Variants in RP1L1 observed in about 807,000 individuals in gnomAD.
RP1L1 encodes RP1 like 1, also known as retinitis pigmentosa 1-like 1 protein.
Under a neutral mutation model 15.7 loss-of-function variants are expected in RP1L1, and 27 were observed. The ratio of observed to expected loss-of-function variants is 1.72; its 90% CI spans 1.27 to 2.38. The LOEUF (loss-of-function observed/expected upper bound fraction) is 2.38, where lower values mean the gene tolerates loss of function less well. Ranked by LOEUF, RP1L1 falls within the 30% of genes most tolerant of loss-of-function variation. RP1L1 has a pLI of 0.00. For missense variants in RP1L1, 4,798 were observed against 3,075.9 expected (o/e 1.56, Z -13.24); for synonymous variants, 1,813 against 1,276.7 (o/e 1.42, Z -8.96).
At chr8:10,625,774 G>C (rs1265205882) in intron 1 of RP1L1, among the ~76,000 whole-genome samples, 1 of 152,140 alleles carries the variant, frequency 6.6e-6, no homozygotes, top group Non-Finnish European at 1.5e-5. Flanking sequence ...GGGGAGCTGT[G>C]GTGGGTGGTC....
rs538485929 is a variant in RP1L1 at position 10,608,115 on chromosome 8, G to A, written c.5983C>T (p.Pro1995Ser). The change falls in exon 4 of 4, where the codon CCA (proline) becomes TCA (serine). Residue 1995 changes from proline to serine, a missense_variant. Transcript: ENST00000382483. ...GGGGCCTCTACATCTTCTGACTCTG[G>A]CTGGGCCTCCCCTTCTGCCTCCTGG... Reference protein sequence around the residue: ...ETQEAEGEAQPESEDVEAPEA... With the variant: ...ETQEAEGEAQSESEDVEAPEA... The A allele has an allele frequency of 1.9e-6, 3 of 1,610,814 alleles. No individual in the cohort carries two copies. The highest frequency in any genetic ancestry group is 2.5e-6 in the Non-Finnish European group (3 of 1,179,284).
chr8:10,624,950 G>A (rs1401457780), intron 1 of RP1L1, among the ~76,000 whole-genome samples: 1 of 152,182 alleles, frequency 6.6e-6, no homozygotes, highest in Non-Finnish European at 1.5e-5. Flanking sequence ...CTGGGTTTCT[G>A]AATTAGGAAG....
At chr8:10,633,441 C>G (rs1427324435) in intron 1 of RP1L1, among the ~76,000 whole-genome samples, 1 of 152,170 alleles carries the variant, frequency 6.6e-6, no homozygotes, top group Non-Finnish European at 1.5e-5. Flanking sequence ...GCCCAAACCC[C>G]AAATTGCATC....
At chr8:10,651,151 C>T (rs185674990) in intron 1 of RP1L1, among the ~76,000 whole-genome samples, 1 of 152,326 alleles carries the variant, frequency 6.6e-6, no homozygotes, top group African/African-American at 2.4e-5. Flanking sequence ...AACTCCAAGG[C>T]TGTTCTTCCC....
intron 1 of RP1L1, among the ~76,000 whole-genome samples, chr8:10,644,745 A>G (rs923036985): frequency 6.6e-6 from 1 of 152,330 alleles, no homozygotes; most frequent in African/African-American, 2.4e-5. Context: ...CAGCCACCCC[A>G]GGAACGCAGC....
chr8:10,613,578 A>G (rs1207224223), intron 3 of RP1L1, among the ~76,000 whole-genome samples: 3 of 146,656 alleles, frequency 2.0e-5, no homozygotes, highest in African/African-American at 7.6e-5. Flanking sequence ...AGCCTGGACA[A>G]CTTAGTGAGA....
chr8:10,609,562 C>T lies in RP1L1; in HGVS notation c.4536G>A (p.Leu1512=). Residue 1512 remains leucine, a synonymous_variant, in exon 4 of 4, where the codon CTG becomes CTA. Coordinates refer to ENST00000382483, the MANE Select transcript of RP1L1 (RefSeq NM_178857.6). ...RSSSVACSAA[L]DCDPIWVSVL... Reference sequence around the variant, plus strand: ...CGGACACCCAGATGGGGTCGCAGTCCAGAGCCGCGCTGCAGGCCACCGAAG... The same window carrying T: ...CGGACACCCAGATGGGGTCGCAGTCTAGAGCCGCGCTGCAGGCCACCGAAG... The T allele has an allele frequency of 6.2e-7, 1 of 1,603,756 alleles. No homozygotes were observed. The highest frequency in any genetic ancestry group is 8.5e-7 in the Non-Finnish European group (1 of 1,177,164).
At position 10,611,125 on chromosome 8, in the gene RP1L1, C is replaced by T. The variant is rs762986684; in HGVS notation, c.2973G>A (p.Glu991=). The T allele has an allele frequency of 8.1e-6, 13 of 1,612,934 alleles. No homozygotes were observed. In the South Asian group the frequency reaches 1.3e-4, roughly 16 times the overall value. ...GAGAATGGTCATCCCCAGGGTCCAC[C>T]TCGGGGCCTCTCAGGCCACCCCCAG... is the stretch of plus-strand genomic sequence containing the variant. ...GAAGGGLRGP[E]VDPGDDHSLE... is the part of the protein sequence containing the mutation. Residue 991 remains glutamate, a synonymous_variant, in exon 4 of 4, where the codon GAG becomes GAA. Transcript: ENST00000382483.
chr8:10,616,962 C>T (rs1797977746), intron 2 of RP1L1, among the ~76,000 whole-genome samples: 1 of 152,180 alleles, frequency 6.6e-6, no homozygotes, highest in African/African-American at 2.4e-5. Context: ...CTCCAGCTCC[C>T]ACAGCGGGGC....
In RP1L1 at chr8:10,610,752, C is replaced by T. The variant is rs370506271; in HGVS notation, c.3346G>A (p.Gly1116Arg). 4.3e-5 allele frequency: 70 copies of T among 1,613,296 alleles called. No individual in the cohort carries two copies. The highest frequency in any genetic ancestry group is 1.2e-4 in the Admixed American group (7 of 60,010). The change falls in exon 4 of 4, where the codon GGG (glycine) becomes AGG (arginine). Residue 1116 changes from glycine (G) to arginine (R), a missense_variant. Coordinates refer to ENST00000382483, the MANE Select transcript of RP1L1 (RefSeq NM_178857.6). ...CTGGCCAGACAAGTAATGAGGGCCCCGGCTGAGCAGCTGAGCCTCCTGGCC... is the reference window on the plus strand; with the variant it reads ...CTGGCCAGACAAGTAATGAGGGCCCTGGCTGAGCAGCTGAGCCTCCTGGCC... ...PMARRLSCSAGALITCLASLQ... is the reference protein window; with the variant it reads ...PMARRLSCSARALITCLASLQ...
At chr8:10,642,953 G>C (rs1333467207) in intron 1 of RP1L1, among the ~76,000 whole-genome samples, 1 of 152,182 alleles carries the variant, frequency 6.6e-6, no homozygotes, top group Non-Finnish European at 1.5e-5. Flanking sequence ...TTTGGAGACA[G>C]AAGACAGGTG....
intron 1 of RP1L1, among the ~76,000 whole-genome samples, chr8:10,639,815 T>C (rs995085221): frequency 2.0e-5 from 3 of 152,206 alleles, no homozygotes; most frequent in South Asian, 2.1e-4. Flanking sequence ...ATTTGAAAGA[T>C]GAATGCCGTT....
At chr8:10,640,997 T>G (rs1404433039) in intron 1 of RP1L1, among the ~76,000 whole-genome samples, 1 of 152,164 alleles carries the variant, frequency 6.6e-6, no homozygotes, top group African/African-American at 2.4e-5. Flanking sequence ...TTGCAAACTC[T>G]TAAGTTCAAG....
chr8:10,624,123 G>T (rs1214389485), intron 1 of RP1L1, among the ~76,000 whole-genome samples: 8 of 152,214 alleles, frequency 5.3e-5, no homozygotes, highest in African/African-American at 1.7e-4. Flanking sequence ...CTTCTTGGAA[G>T]AGGCATCACC....
At chr8:10,638,708 G>A (rs912600253) in intron 1 of RP1L1, among the ~76,000 whole-genome samples, 1 of 152,160 alleles carries the variant, frequency 6.6e-6, no homozygotes, top group Admixed American at 6.5e-5. Context: ...AAGAGTTAAC[G>A]TAGCTGGGAC....
intron 1 of RP1L1, among the ~76,000 whole-genome samples, chr8:10,636,528 G>T (rs1349951341): frequency 2.0e-5 from 3 of 152,074 alleles, no homozygotes; most frequent in African/African-American, 7.2e-5. Flanking sequence ...CTTCCCCCTC[G>T]AATGGCAACC....
intron 1 of RP1L1, among the ~76,000 whole-genome samples, chr8:10,632,840 G>A (rs911038756): frequency 3.3e-5 from 5 of 152,176 alleles, no homozygotes; most frequent in Non-Finnish European, 5.9e-5. Context: ...ACCCTTGATG[G>A]CTCTGACACA....
intron 2 of RP1L1, 101 bp downstream of exon 2, chr8:10,622,492 A>G (rs1162123377): frequency 6.6e-7 from 1 of 1,519,800 alleles, no homozygotes; most frequent in Non-Finnish European, 9.1e-7. Context: ...CAGGGCAATC[A>G]AATGCCTCTT....
At chr8:10,620,809 T>C (rs1025425619) in intron 2 of RP1L1, among the ~76,000 whole-genome samples, 1 of 152,224 alleles carries the variant, frequency 6.6e-6, no homozygotes, top group Non-Finnish European at 1.5e-5. Context: ...CTATTACCCA[T>C]GCAGCCCATT....
Sources: allele counts gnomAD v4.1 joint callset (sites outside exome capture counted in the v4.1 genomes callset), GRCh38; gene constraint gnomAD v4.1.1; transcripts MANE v1.5; gene names NCBI Gene and HGNC (gene_info 2026-07-23, HGNC 2026-07-21).